Variants in SLC6A5 observed in about 807,000 individuals in gnomAD.
SLC6A5 encodes solute carrier family 6 member 5.
SLC6A5 carries 58 observed loss-of-function variants against 90.5 expected under a neutral mutation model. The ratio of observed to expected loss-of-function variants is 0.64; its 90% CI spans 0.52 to 0.80. The LOEUF is 0.80. Ranked by LOEUF, SLC6A5 falls within the 30% of genes least tolerant of loss-of-function variation. The pLI is 0.00. For synonymous variants in SLC6A5, 427 were observed against 401.4 expected (o/e 1.06, Z -0.76); for missense variants, 1,015 against 1,017.6 (o/e 1.00, Z 0.03).
chr11:20,618,981 A>ACACACACACACACACACACACAC (rs376434465), intron 7 of SLC6A5, among the ~76,000 whole-genome samples: 1 of 106,944 alleles, frequency 9.4e-6, no homozygotes, highest in Non-Finnish European at 2.0e-5. Context: ...CACACACACA[A>ACACACACACACACACACACACAC]AGAAAAACCT....
At position 20,600,319 on chromosome 11, in the gene SLC6A5, G is replaced by A. The variant is rs576384002; in HGVS notation, c.3+644G>A. On this transcript the variant is annotated intron_variant, in intron 1 of 15. Coordinates refer to ENST00000525748, the MANE Select transcript of SLC6A5 (RefSeq NM_004211.5). ...ATATTAGACTCCTGTGAATAGTTAC[G>A]CAAAAAAGAAGAAGAGGAAGAAGAA... 1.1e-4 allele frequency among the ~76,000 whole-genome samples: 13 copies of A among 118,638 alleles called. 1 individual carries two copies. In the South Asian group the frequency reaches 1.4e-3, roughly 13 times the overall value. The allele number at this position is 118,638 out of a possible 152,430, so 77.8% of individuals were successfully genotyped here. A position where few individuals can be genotyped will look rare whatever the true frequency, so the allele number is the denominator to read the frequency against.
intron 7 of SLC6A5, among the ~76,000 whole-genome samples, chr11:20,618,945 G>GACACACACACACACACACACACAC (rs68111718): frequency 7.4e-5 from 11 of 148,662 alleles, no homozygotes; most frequent in East Asian, 2.0e-4. Flanking sequence ...TGTCCCGCCC[G>GACACACACACACACACACACACAC]ACACACACAC....
At chr11:20,637,844 C>T (rs936913114) in intron 12 of SLC6A5, among the ~76,000 whole-genome samples, 2 of 152,158 alleles carry the variant, frequency 1.3e-5, no homozygotes, top group African/African-American at 2.4e-5. Context: ...GCAGTTTCTT[C>T]CAGTCCCAAG....
intron 15 of SLC6A5, among the ~76,000 whole-genome samples, chr11:20,654,231 G>A (rs372271340): frequency 5.7e-4 from 87 of 151,798 alleles, no homozygotes; most frequent in African/African-American, 2.0e-3. Context: ...TTTTTCCTCC[G>A]GTCATTTATA....
intron 5 of SLC6A5, among the ~76,000 whole-genome samples, chr11:20,608,895 A>G (rs1401213820): frequency 6.6e-6 from 1 of 150,988 alleles, no homozygotes; most frequent in East Asian, 2.0e-4. Flanking sequence ...ACATGTGTTT[A>G]TAGTCTCTCT....
In SLC6A5 at chr11:20,640,285, G is replaced by A. The variant is rs1002789819; in HGVS notation, c.1969+1727G>A. Among the ~76,000 whole-genome samples, 121 of 152,270 alleles carry A rather than the reference G, an allele frequency of 7.9e-4. 1 individual carries two copies. Among genetic ancestry groups the A allele is most frequent in the Non-Finnish European group, 1.8e-4 (12 of 68,018 alleles). On this transcript the variant is annotated intron_variant, in intron 13 of 15. Coordinates refer to ENST00000525748, the MANE Select transcript of SLC6A5 (RefSeq NM_004211.5). Reference sequence around the variant, plus strand: ...TACCCTAACTGCTGATTGCCACAAAGGGCACGTTTGCACAGTTCTTCCCTA... The same window carrying A: ...TACCCTAACTGCTGATTGCCACAAAAGGCACGTTTGCACAGTTCTTCCCTA...
At chr11:20,654,021 C>A (rs1231106328) in intron 15 of SLC6A5, among the ~76,000 whole-genome samples, 1 of 152,156 alleles carries the variant, frequency 6.6e-6, no homozygotes, top group African/African-American at 2.4e-5. Flanking sequence ...AATATGTTTT[C>A]TTTCCTTTTT....
At chr11:20,606,904 T>C in intron 3 of SLC6A5, 103 bp from the exon 4 acceptor site, 1 of 1,455,334 alleles carries the variant, frequency 6.9e-7, no homozygotes, top group East Asian at 2.3e-5. Flanking sequence ...TAAATTGTCC[T>C]TTAGTTCTTT....
At chr11:20,641,892 C>G (rs1853321155) in intron 13 of SLC6A5, among the ~76,000 whole-genome samples, 1 of 151,982 alleles carries the variant, frequency 6.6e-6, no homozygotes, top group African/African-American at 2.4e-5. Context: ...GCTGTGAGCC[C>G]TTTTGTTGCC....
At chr11:20,640,228 G>C (rs1348852049) in intron 13 of SLC6A5, among the ~76,000 whole-genome samples, 1 of 152,204 alleles carries the variant, frequency 6.6e-6, no homozygotes, top group Non-Finnish European at 1.5e-5. Flanking sequence ...CCAAGTGCAA[G>C]TAACTATCTC....
At chr11:20,652,181 G>A in intron 14 of SLC6A5, 108 bp from the exon 15 acceptor site, 1 of 1,013,602 alleles carries the variant, frequency 9.9e-7, no homozygotes, top group Non-Finnish European at 1.6e-6. Flanking sequence ...CGTGGGTATA[G>A]AATAATAGAG....
chr11:20,614,590 G>T, intron 5 of SLC6A5, 89 bp from the exon 6 acceptor site: 2 of 1,236,726 alleles, frequency 1.6e-6, no homozygotes, highest in South Asian at 1.2e-5. Context: ...AAATGTTTTT[G>T]GCATTTGTTT....
Position 20,656,414 on chromosome 11 carries a change from C to T in SLC6A5, c.*1546C>T, listed in dbSNP as rs1853637594. 6.6e-6 allele frequency: 1 copy of T among 152,108 alleles called. No individual in the cohort carries two copies. Among genetic ancestry groups the T allele is most frequent in the African/African-American group, 2.4e-5 (1 of 41,402 alleles). The allele number at this position is 152,108 out of a possible 1,614,324, so 9.4% of individuals were successfully genotyped here. ...TTCATTTATCTTCATAGTACAGGGT[C>T]TCAGGCAAAGTTTTTCAGTTCAAAT... On this transcript the variant is annotated 3_prime_UTR_variant, in exon 16 of 16. Coordinates refer to ENST00000525748, the MANE Select transcript of SLC6A5 (RefSeq NM_004211.5).
rs1009192058 is a variant in SLC6A5, at chr11:20,658,498, A to G, written c.*3630A>G. The G allele has an allele frequency of 6.6e-6, 1 of 152,122 alleles. No homozygotes were observed. The highest frequency in any genetic ancestry group is 6.6e-5 in the Admixed American group (1 of 15,250). 9.4% of individuals were successfully genotyped at this position (152,122 alleles called of 1,614,324 possible). A position where few individuals can be genotyped will look rare whatever the true frequency, so the allele number is the denominator to read the frequency against. ...CTTTCACACTGGGTATCAAGCAGAA[A>G]ACTTCCAGGCTGGGAGCAAAGGTGT... On this transcript the variant is annotated 3_prime_UTR_variant, in exon 16 of 16. Coordinates refer to ENST00000525748, the MANE Select transcript of SLC6A5 (RefSeq NM_004211.5).
chr11:20,604,520 G>A (rs1852541183), intron 3 of SLC6A5, 96 bp downstream of exon 3: 17 of 1,493,582 alleles, frequency 1.1e-5, no homozygotes, highest in Non-Finnish European at 1.2e-5. Flanking sequence ...GCCGGGCGGG[G>A]AGGCTCAGGA....
In SLC6A5 at chr11:20,601,216, G is replaced by A. The variant is rs1304691281; in HGVS notation, c.91G>A (p.Ala31Thr). The stretch of plus-strand genomic sequence containing the variant: ...GCAGGGCCACCCGGATGGCCCATGC[G>A]CTCCCAGGACGAGCCCGGAGCAGGA... ...AAQGHPDGPC[A>T]PRTSPEQELP... The change falls in exon 2 of 16, where the codon GCT (alanine) becomes ACT (threonine). Residue 31 changes from alanine to threonine, a missense_variant. Transcript: ENST00000525748. 6.3e-7 allele frequency: 1 copy of A among 1,582,834 alleles called. No individual in the cohort carries two copies. Among genetic ancestry groups the A allele is most frequent in the Admixed American group, 1.7e-5 (1 of 57,792 alleles).
At chr11:20,600,383 A>C (rs1253232541) in intron 1 of SLC6A5, among the ~76,000 whole-genome samples, 1 of 150,286 alleles carries the variant, frequency 6.7e-6, no homozygotes, top group Non-Finnish European at 1.5e-5. Flanking sequence ...AAGAAGAAGA[A>C]GAAGAAGAAG....
intron 10 of SLC6A5, among the ~76,000 whole-genome samples, chr11:20,633,410 T>A (rs533648056): frequency 6.6e-6 from 1 of 152,180 alleles, no homozygotes. Flanking sequence ...GTCACCTGTA[T>A]CCCAATCCTT....
intron 7 of SLC6A5, among the ~76,000 whole-genome samples, chr11:20,623,317 C>T (rs540479427): frequency 1.4e-4 from 22 of 152,284 alleles, no homozygotes; most frequent in Non-Finnish European, 2.8e-4. Context: ...TTCATGGCAA[C>T]TCCACCCTTT....
Sources: allele counts gnomAD v4.1 joint callset (sites outside exome capture counted in the v4.1 genomes callset), GRCh38; gene constraint gnomAD v4.1.1; transcripts MANE v1.5; gene names NCBI Gene and HGNC (gene_info 2026-07-23, HGNC 2026-07-21).